Variants in SLC25A13 observed in about 807,000 individuals in gnomAD.
The protein encoded by SLC25A13 is solute carrier family 25 member 13, also known as electrogenic aspartate/glutamate antiporter SLC25A13, mitochondrial.
In SLC25A13, 70 loss-of-function variants were observed where a neutral mutation model predicts 85.5. The observed-to-expected ratio is 0.82, with a 90% CI of 0.68 to 1.00. SLC25A13 has a LOEUF of 1.00. SLC25A13 is among the 50% of genes least tolerant of loss of function. The pLI is 0.00. For missense variants in SLC25A13, 765 were observed against 819.8 expected (o/e 0.93, Z 0.82); for synonymous variants, 259 against 288.7 (o/e 0.90, Z 1.04).
intron 4 of SLC25A13, among the ~76,000 whole-genome samples, chr7:96,215,244 G>A (rs1244835370): frequency 2.0e-5 from 3 of 152,060 alleles, no homozygotes; most frequent in Non-Finnish European, 2.9e-5. Context: ...GATTACAGGC[G>A]CTTTGATACA....
At chr7:96,317,948 C>T (rs1377573045) in intron 1 of SLC25A13, among the ~76,000 whole-genome samples, 3 of 151,632 alleles carry the variant, frequency 2.0e-5, no homozygotes, top group Non-Finnish European at 4.4e-5. Context: ...ACCACAGATG[C>T]GTGCCACCAT....
intron 13 of SLC25A13, among the ~76,000 whole-genome samples, chr7:96,154,189 C>A (rs1793161347): frequency 6.6e-6 from 1 of 151,702 alleles, no homozygotes; most frequent in African/African-American, 2.4e-5. Flanking sequence ...TATATCAGTA[C>A]ACATTTACAC....
intron 4 of SLC25A13, among the ~76,000 whole-genome samples, chr7:96,233,591 T>C (rs1345476399): frequency 2.0e-5 from 3 of 152,226 alleles, no homozygotes; most frequent in Non-Finnish European, 4.4e-5. Flanking sequence ...CGAAGGGGGT[T>C]GGCACAATAA....
chr7:96,214,602 C>A (rs1265368346), intron 4 of SLC25A13, among the ~76,000 whole-genome samples: 1 of 152,022 alleles, frequency 6.6e-6, no homozygotes, highest in Non-Finnish European at 1.5e-5. Context: ...TGGTGGGCAC[C>A]TGTAATCCCA....
intron 1 of SLC25A13, among the ~76,000 whole-genome samples, chr7:96,316,998 C>T (rs1246515583): frequency 1.5e-4 from 23 of 152,142 alleles, no homozygotes; most frequent in Non-Finnish European, 2.9e-5. Flanking sequence ...GAGACAGAGT[C>T]TTGCTCTGTC....
At chr7:96,131,998 C>T in intron 14 of SLC25A13, 117 bp from the exon 15 acceptor site, 3 of 1,288,740 alleles carry the variant, frequency 2.3e-6, no homozygotes, top group Non-Finnish European at 2.2e-6. Flanking sequence ...AATTTGTACT[C>T]ACACATTGAA....
chr7:96,239,812 T>C (rs937135642), intron 3 of SLC25A13, among the ~76,000 whole-genome samples: 15 of 152,178 alleles, frequency 9.9e-5, no homozygotes, highest in African/African-American at 3.6e-4. Flanking sequence ...TTACAAAGCA[T>C]TAGAGCTGCT....
At chr7:96,125,934 A>C (rs1054831413) in intron 15 of SLC25A13, among the ~76,000 whole-genome samples, 1 of 152,106 alleles carries the variant, frequency 6.6e-6, no homozygotes, top group African/African-American at 2.4e-5. Flanking sequence ...AATTAATTAT[A>C]TTAATTAATT....
intron 4 of SLC25A13, among the ~76,000 whole-genome samples, chr7:96,210,324 G>A (rs1403986041): frequency 6.6e-6 from 1 of 151,924 alleles, no homozygotes; most frequent in Non-Finnish European, 1.5e-5. Context: ...TACTTTTAGG[G>A]AAAAAAGAGA....
chr7:96,296,138 C>G (rs1230114416), intron 2 of SLC25A13, among the ~76,000 whole-genome samples: 1 of 151,732 alleles, frequency 6.6e-6, no homozygotes, highest in African/African-American at 2.4e-5. Flanking sequence ...CTGGAGCCTC[C>G]TCTCAGGATA....
chr7:96,245,780 A>G (rs1797167305), intron 3 of SLC25A13, among the ~76,000 whole-genome samples: 1 of 152,172 alleles, frequency 6.6e-6, no homozygotes, highest in Non-Finnish European at 1.5e-5. Context: ...GGAGGAAATC[A>G]AAAGAGGTAA....
At chr7:96,246,559 T>C (rs376129902) in intron 3 of SLC25A13, among the ~76,000 whole-genome samples, 1 of 152,126 alleles carries the variant, frequency 6.6e-6, no homozygotes, top group Non-Finnish European at 1.5e-5. Context: ...TAAAAATACA[T>C]CAGCAGTAAA....
intron 14 of SLC25A13, among the ~76,000 whole-genome samples, chr7:96,137,515 T>C (rs1363804467): frequency 2.0e-5 from 3 of 152,210 alleles, no homozygotes; most frequent in East Asian, 1.9e-4. Context: ...TGCTCATCAC[T>C]GAGATGGACT....
intron 4 of SLC25A13, among the ~76,000 whole-genome samples, chr7:96,218,129 AATT>A (rs2116750227): frequency 6.6e-6 from 1 of 152,290 alleles, no homozygotes; most frequent in African/African-American, 2.4e-5. Context: ...TTATAATGAA[AATT>A]ATTATCTGGG....
intron 15 of SLC25A13, among the ~76,000 whole-genome samples, chr7:96,130,332 T>G (rs1367075554): frequency 1.3e-5 from 2 of 152,220 alleles, no homozygotes; most frequent in Non-Finnish European, 2.9e-5. Context: ...ACAGACAGAT[T>G]CTTTTGGATT....
chr7:96,280,937 AC>A (rs1470579434), intron 2 of SLC25A13, among the ~76,000 whole-genome samples: 1 of 152,188 alleles, frequency 6.6e-6, no homozygotes, highest in Non-Finnish European at 1.5e-5. Context: ...TATATCACCA[AC>A]AGAAGTGTGC....
intron 3 of SLC25A13, among the ~76,000 whole-genome samples, chr7:96,239,040 TA>T (rs1562869000): frequency 0.031 from 113 of 3,658 alleles, 1 homozygote; most frequent in Admixed American, 0.099. Context: ...ATATATTTTA[TA>T]TATATATATA....
At chr7:96,229,746 T>C (rs1584485920) in intron 4 of SLC25A13, among the ~76,000 whole-genome samples, 1 of 151,978 alleles carries the variant, frequency 6.6e-6, no homozygotes, top group East Asian at 1.9e-4. Flanking sequence ...GTCTGCAGCT[T>C]CACTCCTGAA....
intron 14 of SLC25A13, among the ~76,000 whole-genome samples, chr7:96,145,140 A>C (rs1413206837): frequency 6.6e-6 from 1 of 152,220 alleles, no homozygotes; most frequent in African/African-American, 2.4e-5. Context: ...TGAGCATTTT[A>C]AGTTCTACTT....
Sources: allele counts gnomAD v4.1 joint callset (sites outside exome capture counted in the v4.1 genomes callset), GRCh38; gene constraint gnomAD v4.1.1; transcripts MANE v1.5; gene names NCBI Gene and HGNC (gene_info 2026-07-23, HGNC 2026-07-21).